Variants in IQSEC1 observed in about 807,000 individuals in gnomAD.
IQSEC1 encodes the protein IQ motif and Sec7 domain ArfGEF 1, also known as IQ motif and SEC7 domain-containing protein 1.
IQSEC1 carries 31 observed loss-of-function variants against 91.0 expected under a neutral mutation model. The ratio of observed to expected loss-of-function variants is 0.34; its 90% CI spans 0.26 to 0.46. The LOEUF (loss-of-function observed/expected upper bound fraction) is 0.46. Ranked by LOEUF, IQSEC1 falls within the 20% of genes least tolerant of loss-of-function variation. The pLI is 1.00. For missense variants in IQSEC1, 1,388 were observed against 1,575.6 expected (o/e 0.88, Z 2.02); for synonymous variants, 699 against 662.6 (o/e 1.05, Z -0.84).
At chr3:13,251,922 G>C (rs1327424868) in intron 1 of IQSEC1, among the ~76,000 whole-genome samples, 1 of 152,162 alleles carries the variant, frequency 6.6e-6, no homozygotes, top group African/African-American at 2.4e-5. Flanking sequence ...ATGAGTTTCT[G>C]ACCTCATGTA....
chr3:13,227,391 A>AAAAG (rs1490681558), intron 1 of IQSEC1, among the ~76,000 whole-genome samples: 1 of 150,176 alleles, frequency 6.7e-6, no homozygotes, highest in Non-Finnish European at 1.5e-5. Context: ...AAAAAAAAAA[A>AAAAG]AAAAAGAAAG....
chr3:13,196,769 T>C (rs1261371670), intron 1 of IQSEC1, among the ~76,000 whole-genome samples: 3 of 151,794 alleles, frequency 2.0e-5, no homozygotes, highest in African/African-American at 7.3e-5. Flanking sequence ...TGTGTGTGTG[T>C]GTGTGTGTGT....
At chr3:13,256,199 A>T (rs575827542) in intron 1 of IQSEC1, among the ~76,000 whole-genome samples, 18 of 152,342 alleles carry the variant, frequency 1.2e-4, no homozygotes, top group African/African-American at 3.1e-4. Flanking sequence ...CTAGAGACGG[A>T]TAGTGGTGAC....
At chr3:13,068,399 G>A (rs1705306887) in intron 1 of IQSEC1, among the ~76,000 whole-genome samples, 1 of 152,218 alleles carries the variant, frequency 6.6e-6, no homozygotes, top group Admixed American at 6.5e-5. Flanking sequence ...TGCCAGCTTT[G>A]GGTATACAAC....
At chr3:13,129,455 T>C (rs1249676934) in intron 2 of IQSEC1, among the ~76,000 whole-genome samples, 2 of 152,330 alleles carry the variant, frequency 1.3e-5, no homozygotes, top group East Asian at 1.9e-4. Context: ...ATCGTCGGTA[T>C]GGTTTTTCTG....
At chr3:13,090,966 G>A (rs1015292046) in intron 2 of IQSEC1, among the ~76,000 whole-genome samples, 14 of 152,174 alleles carry the variant, frequency 9.2e-5, no homozygotes, top group African/African-American at 2.4e-4. Context: ...AAGACTGCAC[G>A]GAGCTGCCTG....
At chr3:12,987,066 C>A in intron 1 of IQSEC1, 1 of 398,390 alleles carries the variant, frequency 2.5e-6, no homozygotes. Context: ...AGATGAGCTC[C>A]CTCAGCCGTC....
At chr3:12,986,904 A>T (rs1701765200) in intron 1 of IQSEC1, 1 of 313,182 alleles carries the variant, frequency 3.2e-6, no homozygotes, top group African/African-American at 2.2e-5. Context: ...GGAGCTTGGG[A>T]GGGGACATTT....
chr3:12,955,986 C>A (rs569009038), intron 1 of IQSEC1, among the ~76,000 whole-genome samples: 1 of 152,214 alleles, frequency 6.6e-6, no homozygotes, highest in East Asian at 1.9e-4. Flanking sequence ...AAAACTAGAA[C>A]GAATCACTAA....
intron 1 of IQSEC1, among the ~76,000 whole-genome samples, chr3:13,035,906 C>T (rs1202131223): frequency 3.3e-5 from 5 of 152,206 alleles, no homozygotes; most frequent in South Asian, 2.1e-4. Flanking sequence ...GTTTTGAGGA[C>T]GCCCAGGCCA....
At chr3:13,050,502 C>A (rs1002808306) in intron 1 of IQSEC1, among the ~76,000 whole-genome samples, 6 of 152,206 alleles carry the variant, frequency 3.9e-5, no homozygotes, top group African/African-American at 1.4e-4. Context: ...AACGCCATTG[C>A]ATGCATATTT....
upstream of IQSEC1, among the ~76,000 whole-genome samples, chr3:13,076,303 T>C (rs1018393325): frequency 6.6e-6 from 1 of 152,164 alleles, no homozygotes; most frequent in Non-Finnish European, 1.5e-5. Flanking sequence ...ACCCCTGCCC[T>C]TGCCTCATCA....
At chr3:13,052,848 A>G (rs2125067578) in intron 1 of IQSEC1, 6 of 658,646 alleles carry the variant, frequency 9.1e-6, no homozygotes, top group South Asian at 8.6e-5. Flanking sequence ...AGAGAAAAAT[A>G]TATTCCCAAT....
chr3:13,034,453 C>T (rs1044263665), intron 1 of IQSEC1, among the ~76,000 whole-genome samples: 16 of 152,232 alleles, frequency 1.1e-4, no homozygotes, highest in African/African-American at 3.9e-4. Context: ...ACCTAACACC[C>T]GTTTCCCGCC....
chr3:13,055,110 C>T (rs988816890), intron 1 of IQSEC1, among the ~76,000 whole-genome samples: 26 of 152,228 alleles, frequency 1.7e-4, no homozygotes, highest in African/African-American at 6.3e-4. Context: ...GGCTTGGGGC[C>T]CCACCACTGG....
chr3:13,091,357 T>G (rs966172973), intron 2 of IQSEC1, among the ~76,000 whole-genome samples: 7 of 152,236 alleles, frequency 4.6e-5, no homozygotes, highest in African/African-American at 1.4e-4. Flanking sequence ...CCATAGACCG[T>G]GCCTGGCACA....
At position 13,234,196 on chromosome 3, in the gene IQSEC1, CTG is replaced by C. The variant is rs779671754; in HGVS notation, c.272+48513_272+48514del. 2.2e-5 allele frequency among the ~76,000 whole-genome samples: 3 copies of C among 135,678 alleles called. No individual in the cohort carries two copies. The South Asian group carries it at 8.4e-4, about 38-fold the overall frequency. The allele number at this position is 135,678 out of a possible 152,430, so 89.0% of individuals were successfully genotyped here. On this transcript the variant is annotated intron_variant, in intron 1 of 15. Transcript: ENST00000648114. Reference sequence around the variant, plus strand: ...GGTCTGTGGGTGTGAGCCCCCATGTCTGTGTGTGCCTGTGGGTGTGAGCCCCC... The same window carrying C: ...GGTCTGTGGGTGTGAGCCCCCATGTCTGTGTGCCTGTGGGTGTGAGCCCCC...
At chr3:13,229,806 C>T (rs956843760) in intron 1 of IQSEC1, among the ~76,000 whole-genome samples, 1 of 152,232 alleles carries the variant, frequency 6.6e-6, no homozygotes, top group African/African-American at 2.4e-5. Context: ...CTCTAGAGGG[C>T]TCTGCCTAGA....
chr3:12,949,207 G>A (rs1271451327), intron 1 of IQSEC1, among the ~76,000 whole-genome samples: 1 of 152,234 alleles, frequency 6.6e-6, no homozygotes, highest in African/African-American at 2.4e-5. Context: ...CAGGGGAAAA[G>A]CATGCTGCTG....
Sources: allele counts gnomAD v4.1 joint callset (sites outside exome capture counted in the v4.1 genomes callset), GRCh38; gene constraint gnomAD v4.1.1; transcripts MANE v1.5; gene names NCBI Gene and HGNC (gene_info 2026-07-23, HGNC 2026-07-21).